The following MLH3 variants were observed in gnomAD, a reference collection of about 807,000 sequenced individuals.
The protein encoded by MLH3 is DNA mismatch repair protein Mlh3.
A neutral mutation model predicts 122.2 loss-of-function variants in MLH3; 82 were observed. The observed-to-expected ratio is 0.67, with a 90% confidence interval of 0.56 to 0.81. The LOEUF (loss-of-function observed/expected upper bound fraction) is 0.81. MLH3 is among the 30% of genes least tolerant of loss of function. MLH3 has a pLI of 0.00. For synonymous variants in MLH3, 524 were observed against 599.5 expected, an observed-to-expected ratio of 0.87 and a Z score of 1.84; for missense variants, 1,539 against 1,714.5, an observed-to-expected ratio of 0.90 and a Z score of 1.81.
Position 75,019,731 on chromosome 14 carries a change from C to T in MLH3, c.4091-751G>A, listed in dbSNP as rs183957838. Among the ~76,000 whole-genome samples the T allele has an allele frequency of 1.1e-4, 17 of 152,096 alleles. No individual in the cohort carries two copies. The East Asian group carries it at 3.1e-3, about 28-fold the overall frequency. ...TATTTGCTTCTTTTTTTCTAATTTCCATAATAATCTTCCTAATCTAAACTC... is the reference window on the plus strand; with the variant it reads ...TATTTGCTTCTTTTTTTCTAATTTCTATAATAATCTTCCTAATCTAAACTC... On this transcript the variant is annotated intron_variant, in intron 11 of 12. Coordinates refer to ENST00000355774, the MANE Select transcript of MLH3 (RefSeq NM_001040108.2).
rs189749330 is a variant in MLH3 at position 75,049,326 on chromosome 14, C to T, written c.330G>A (p.Ser110=). The change falls in exon 2 of 13, where the codon TCG becomes TCA. Residue 110 remains serine, a synonymous_variant. Transcript: ENST00000355774. The part of the protein sequence containing the change: ...IADMASAVEI[S]SKKNRTMKTF... ...TTTTCATTGTCCTGTTTTTCTTGGA[C>T]GAAATTTCCACAGCACTGGCCATGT... 9.5e-5 allele frequency: 153 copies of T among 1,614,102 alleles called. 1 individual carries two copies. In the South Asian group the frequency reaches 1.2e-3, roughly 13 times the overall value.
intron 4 of MLH3, among the ~76,000 whole-genome samples, chr14:75,040,365 G>A (rs1891753195): frequency 1.4e-5 from 2 of 143,400 alleles, no homozygotes; most frequent in South Asian, 4.6e-4. Context: ...CAGGAGAATG[G>A]TGTGAACCCG....
Position 75,033,390 on chromosome 14 carries a change from A to AT in MLH3, c.3715+28dup, listed in dbSNP as rs749370090. The AT allele has an allele frequency of 1.4e-5, 22 of 1,608,514 alleles. 1 individual carries two copies. The highest frequency in any genetic ancestry group is 1.0e-4 in the Admixed American group (6 of 59,938). On this transcript the variant is annotated intron_variant, in intron 7 of 12. Transcript: ENST00000355774. ...GTACTGATTCTGCTGGGAGTCTCAA[A>AT]TTTTTTCTGGCTGCAAACAGATCCT...
At chr14:75,043,087 T>A (rs772538952) in intron 2 of MLH3, among the ~76,000 whole-genome samples, 6 of 152,204 alleles carry the variant, frequency 3.9e-5, no homozygotes, top group Non-Finnish European at 8.8e-5. Context: ...GAGACACTTT[T>A]CATTGTCACA....
At chr14:75,027,664 T>TAAAAA (rs56986784) in intron 9 of MLH3, among the ~76,000 whole-genome samples, 39 of 30,624 alleles carry the variant, frequency 1.3e-3, no homozygotes, top group Non-Finnish European at 1.4e-3. Flanking sequence ...TTTACTTCAG[T>TAAAAA]AAAAAAAAAA....
intron 9 of MLH3, 108 bp from the exon 10 acceptor site, chr14:75,023,126 G>GA: frequency 7.7e-7 from 1 of 1,292,322 alleles, no homozygotes; most frequent in Non-Finnish European, 1.1e-6. Flanking sequence ...CCTCCTGAAA[G>GA]AAAGAGTTCC....
chr14:75,049,822 C>A, intron 1 of MLH3, 104 bp from the exon 2 acceptor site: 3 of 750,894 alleles, frequency 4.0e-6, no homozygotes, highest in Non-Finnish European at 6.7e-6. Context: ...CTTATTAAAC[C>A]AAATTGTGAA....
Position 75,049,702 on chromosome 14 carries a change from T to C in MLH3, c.-47A>G, listed in dbSNP as rs992238437. 7 of 1,578,634 alleles carry C rather than the reference T, an allele frequency of 4.4e-6. No individual in the cohort carries two copies. The highest frequency in any genetic ancestry group is 6.1e-6 in the Non-Finnish European group (7 of 1,156,818). ...AATGCCAGGCACTGGTTTCCTTCTC[T>C]GACTGGAAATAATTGCCTATTGGAG... On this transcript the variant is annotated 5_prime_UTR_variant, in exon 2 of 13. Transcript: ENST00000355774.
intron 6 of MLH3, among the ~76,000 whole-genome samples, chr14:75,035,200 AAC>A (rs1035416856): frequency 3.3e-5 from 5 of 151,992 alleles, no homozygotes; most frequent in African/African-American, 1.2e-4. Context: ...TCTCAAAAAC[AAC>A]AAAGAATTCC....
intron 2 of MLH3, 50 bp downstream of exon 2, chr14:75,046,326 G>A (rs372371896): frequency 3.8e-6 from 6 of 1,584,074 alleles, no homozygotes; most frequent in Non-Finnish European, 5.2e-6. Flanking sequence ...TCCTTGTCCA[G>A]CATTCCCATC....
chr14:75,044,818 A>G (rs1311660734), intron 2 of MLH3, among the ~76,000 whole-genome samples: 1 of 152,226 alleles, frequency 6.6e-6, no homozygotes, highest in Non-Finnish European at 1.5e-5. Context: ...ACATTTATAC[A>G]TGTTCCATTC....
At position 75,049,532 on chromosome 14, in the gene MLH3, C is replaced by T. The variant is rs748676497; in HGVS notation, c.124G>A (p.Ala42Thr). The T allele has an allele frequency of 4.8e-5, 78 of 1,614,108 alleles. No homozygotes were observed. Among genetic ancestry groups the T allele is most frequent in the Non-Finnish European group, 6.5e-5 (77 of 1,180,044 alleles). ...NSIDAEAKCV[A>T]VRVNMETFQV... ...AAGGTTTCCATATTCACCCTGACAG[C>T]CACACATTTTGCTTCAGCATCAATA... The change falls in exon 2 of 13, where the codon GCT becomes ACT. Residue 42 changes from alanine (A) to threonine (T), a missense_variant. Physicochemically the swap from Ala to Thr is moderately conservative, Grantham distance 58. Transcript: ENST00000355774.
chr14:75,036,490 A>G (rs1393795204), intron 6 of MLH3: 2 of 352,102 alleles, frequency 5.7e-6, no homozygotes, highest in Admixed American at 3.7e-5. Context: ...GATTACAGGC[A>G]TCTGCCACCA....
Position 75,038,358 on chromosome 14 carries a change from C to T in MLH3, c.3625G>A (p.Glu1209Lys), listed in dbSNP as rs1256259475. 1 of 1,613,788 alleles carries T rather than the reference C, an allele frequency of 6.2e-7. No individual in the cohort carries two copies. Among genetic ancestry groups the T allele is most frequent in the South Asian group, 1.1e-5 (1 of 91,076 alleles). The stretch of plus-strand genomic sequence containing the variant: ...TTCTTACCTGCCTCGCCATTCTCTT[C>T]AGTCTTAGTGCTCATCAAACAGGCA... ...FIACLMSTKTEENGEAGGNLL... is the reference protein window; with the variant it reads ...FIACLMSTKTKENGEAGGNLL... Residue 1209 changes from glutamate to lysine, a missense_variant, in exon 6 of 13, where the codon GAA becomes AAA. Transcript: ENST00000355774.
At chr14:75,044,713 A>G (rs1382363527) in intron 2 of MLH3, among the ~76,000 whole-genome samples, 2 of 152,244 alleles carry the variant, frequency 1.3e-5, no homozygotes, top group African/African-American at 2.4e-5. Context: ...ACAGAAAAAC[A>G]CTGAAAAGTA....
At chr14:75,029,315 T>C (rs1382066138) in intron 9 of MLH3, among the ~76,000 whole-genome samples, 1 of 152,160 alleles carries the variant, frequency 6.6e-6, no homozygotes, top group Non-Finnish European at 1.5e-5. Context: ...AAGGTTGGTC[T>C]TGCTGTCTCA....
chr14:75,042,798 C>T (rs931583869), intron 2 of MLH3, among the ~76,000 whole-genome samples: 3 of 149,460 alleles, frequency 2.0e-5, no homozygotes, highest in East Asian at 3.9e-4. Flanking sequence ...TTTTTTGAGA[C>T]GGCGTCTCGC....
chr14:75,041,678 A>G lies in MLH3; in HGVS notation c.3402T>C (p.Ser1134=). 6 of 1,614,022 alleles carry G rather than the reference A, an allele frequency of 3.7e-6. No homozygotes were observed. Among genetic ancestry groups the G allele is most frequent in the Non-Finnish European group, 5.1e-6 (6 of 1,179,838 alleles). The change falls in exon 4 of 13, where the codon AGT becomes AGC. Residue 1134 remains serine (S), a synonymous_variant. Transcript: ENST00000355774. ...DNRDTVDDTV[S]SESLQSLFSE... ...AGAACAAAGACTGAAGCGATTCGCT[A>G]CTAACAGTATCATCCACAGTATCTA... is the stretch of plus-strand genomic sequence containing the variant.
rs1891093569 is a variant in MLH3 at position 75,032,159 on chromosome 14, C to T, written c.3736G>A (p.Ala1246Thr). Residue 1246 changes from alanine to threonine, a missense_variant, in exon 8 of 13, where the codon GCA becomes ACA. Ala to Thr is a moderately conservative substitution (Grantham distance 58, BLOSUM62 0). Coordinates refer to ENST00000355774, the MANE Select transcript of MLH3 (RefSeq NM_001040108.2). ...LIIDSYEKQQ[A>T]QGSGRKKLLS... is the part of the protein sequence containing the mutation. ...AATTTTTTCCGACCAGAGCCTTGTG[C>T]CTGTTGCTTCTCGTAGGAATCTATT... The T allele has an allele frequency of 6.2e-7, 1 of 1,612,154 alleles. No individual in the cohort carries two copies. The highest frequency in any genetic ancestry group is 8.5e-7 in the Non-Finnish European group (1 of 1,178,282).
Sources: gnomAD v4.1 joint callset for allele counts (sites outside exome capture counted in the v4.1 genomes callset) on GRCh38, gnomAD v4.1.1 for gene constraint, MANE v1.5 for transcripts, NCBI Gene and HGNC (gene_info 2026-07-23, HGNC 2026-07-21) for gene names.